ULK4: variants seen among roughly 807,000 people sequenced by gnomAD.
ULK4 encodes unc-51 like kinase 4.
Under a neutral mutation model 160.6 loss-of-function variants are expected in ULK4, and 133 were observed. The observed-to-expected ratio is 0.83, with a 90% confidence interval of 0.72 to 0.96. The LOEUF (loss-of-function observed/expected upper bound fraction) is 0.96, where lower values mean the gene tolerates loss of function less well. Ranked by LOEUF, ULK4 falls within the 40% of genes least tolerant of loss-of-function variation. ULK4 has a pLI of 0.00. For missense variants in ULK4, 1,580 were observed against 1,499.5 expected (o/e 1.05, Z -0.89); for synonymous variants, 534 against 539.8 (o/e 0.99, Z 0.15).
chr3:41,319,705 T>A (rs1301916978), intron 35 of ULK4, among the ~76,000 whole-genome samples: 1 of 152,248 alleles, frequency 6.6e-6, no homozygotes, highest in Non-Finnish European at 1.5e-5. Context: ...ATACTTTATA[T>A]GTATTAATCT....
intron 30 of ULK4, among the ~76,000 whole-genome samples, chr3:41,640,054 T>C (rs192462443): frequency 2.6e-5 from 4 of 152,290 alleles, no homozygotes; most frequent in Admixed American, 6.5e-5. Flanking sequence ...TGATGGCCCA[T>C]AAAAGCTTGT....
chr3:41,850,264 A>G (rs1310249858), intron 17 of ULK4, among the ~76,000 whole-genome samples: 3 of 152,220 alleles, frequency 2.0e-5, no homozygotes, highest in Non-Finnish European at 4.4e-5. Flanking sequence ...TAGTGCTGCA[A>G]TAAACATACG....
Position 41,831,531 on chromosome 3 carries a change from A to ATATATATATATATATTTTTT in ULK4, c.1764+4332_1764+4333insAAAAAATATATATATATATA. On this transcript the variant is annotated intron_variant, in intron 18 of 36. Coordinates refer to ENST00000301831, the MANE Select transcript of ULK4 (RefSeq NM_017886.4). ...TTATTGTTATTTTATATATATATAT[A>ATATATATATATATATTTTTT]TTTTTTTTTCTTTCTTAAACTTTAG... Among the ~76,000 whole-genome samples, 7 of 138,062 alleles carry ATATATATATATATATTTTTT rather than the reference A, an allele frequency of 5.1e-5. 1 individual carries two copies. In the East Asian group the frequency reaches 1.3e-3, roughly 25 times the overall value. 90.6% of individuals were successfully genotyped at this position (138,062 alleles called of 152,430 possible). A position where few individuals can be genotyped will look rare whatever the true frequency, so the allele number is the denominator to read the frequency against.
At chr3:41,482,175 C>A (rs2084351984) in intron 32 of ULK4, among the ~76,000 whole-genome samples, 1 of 152,146 alleles carries the variant, frequency 6.6e-6, no homozygotes, top group African/African-American at 2.4e-5. Flanking sequence ...TGGATCAGGA[C>A]CCCTTTCTGG....
At chr3:41,650,769 C>T (rs2034708797) in intron 30 of ULK4, among the ~76,000 whole-genome samples, 1 of 152,174 alleles carries the variant, frequency 6.6e-6, no homozygotes, top group Admixed American at 6.5e-5. Context: ...TTTCCAGCTG[C>T]AAAAGCAACA....
chr3:41,868,096 G>C (rs1415712711), intron 17 of ULK4, among the ~76,000 whole-genome samples: 1 of 152,000 alleles, frequency 6.6e-6, no homozygotes, highest in East Asian at 1.9e-4. Flanking sequence ...GTATAATCGT[G>C]GGAATTAGCA....
At chr3:41,263,215 C>CA (rs1310873258) in intron 35 of ULK4, among the ~76,000 whole-genome samples, 1 of 152,320 alleles carries the variant, frequency 6.6e-6, no homozygotes, top group East Asian at 1.9e-4. Flanking sequence ...ATCTATCACG[C>CA]AAACCTGATC....
intron 21 of ULK4, among the ~76,000 whole-genome samples, chr3:41,781,035 AG>A (rs1304473371): frequency 1.3e-5 from 2 of 152,166 alleles, no homozygotes; most frequent in African/African-American, 2.4e-5. Context: ...AGAGATTTAT[AG>A]ATAGAAAAAT....
intron 32 of ULK4, among the ~76,000 whole-genome samples, chr3:41,553,082 C>T (rs903098581): frequency 5.9e-5 from 9 of 151,996 alleles, no homozygotes; most frequent in African/African-American, 2.2e-4. Flanking sequence ...TGTTACCTCT[C>T]ACCTCATACA....
At chr3:41,603,583 A>C (rs1392383433) in intron 31 of ULK4, among the ~76,000 whole-genome samples, 3 of 152,094 alleles carry the variant, frequency 2.0e-5, no homozygotes, top group Non-Finnish European at 4.4e-5. Context: ...CTGAAATAGA[A>C]TACACTTTTT....
intron 31 of ULK4, among the ~76,000 whole-genome samples, chr3:41,583,616 C>T (rs1372660609): frequency 6.6e-6 from 1 of 152,216 alleles, no homozygotes; most frequent in Non-Finnish European, 1.5e-5. Flanking sequence ...CAGAATCATG[C>T]ACACCTCAGG....
At chr3:41,289,556 T>C (rs1375027716) in intron 35 of ULK4, among the ~76,000 whole-genome samples, 4 of 152,182 alleles carry the variant, frequency 2.6e-5, no homozygotes, top group African/African-American at 9.7e-5. Context: ...TGGCCAAGAC[T>C]GAGGTGACCT....
intron 17 of ULK4, among the ~76,000 whole-genome samples, chr3:41,881,284 TAAAAAA>T (rs58977381): frequency 1.6e-5 from 2 of 126,278 alleles, no homozygotes; most frequent in African/African-American, 7.3e-5. Context: ...CAGAAACTTC[TAAAAAA>T]AAAAAAAAAA....
Position 41,789,658 on chromosome 3 carries a change from A to C in ULK4, c.2193+3T>G. On this transcript the variant is annotated splice_donor_region_variant and intron_variant, in intron 21 of 36. Transcript: ENST00000301831. ...AGAGTAACAGGTAAAATCTAAGTCAAACCTTTTCTTGGATTAGTCTTTGAA... is the reference window on the plus strand; with the variant it reads ...AGAGTAACAGGTAAAATCTAAGTCACACCTTTTCTTGGATTAGTCTTTGAA... 1 of 1,564,740 alleles carries C rather than the reference A, an allele frequency of 6.4e-7. No homozygotes were observed. Among genetic ancestry groups the C allele is most frequent in the Non-Finnish European group, 8.6e-7 (1 of 1,157,074 alleles).
chr3:41,353,546 T>TA (rs2080956094), intron 35 of ULK4, among the ~76,000 whole-genome samples: 2 of 152,056 alleles, frequency 1.3e-5, no homozygotes, highest in African/African-American at 4.8e-5. Context: ...CTCATGACTG[T>TA]AGTCCTAGCT....
At chr3:41,527,283 T>C (rs1361525164) in intron 32 of ULK4, among the ~76,000 whole-genome samples, 1 of 152,216 alleles carries the variant, frequency 6.6e-6, no homozygotes, top group Non-Finnish European at 1.5e-5. Context: ...GCTGCCCAAG[T>C]ACAAAGCATT....
rs912838183 is a variant in ULK4 at position 41,709,853 on chromosome 3, T to G, written c.2635-4548A>C. 1.1e-4 allele frequency among the ~76,000 whole-genome samples: 16 copies of G among 152,282 alleles called. 1 individual carries two copies. Among genetic ancestry groups the G allele is most frequent in the Admixed American group, 2.6e-4 (4 of 15,298 alleles). Reference sequence around the variant, plus strand: ...TTTGACTTAAACACATGTACGTAAATGTCTACGGATTACTAAGTAAAGAAG... The same window carrying G: ...TTTGACTTAAACACATGTACGTAAAGGTCTACGGATTACTAAGTAAAGAAG... On this transcript the variant is annotated intron_variant, in intron 25 of 36. Coordinates refer to ENST00000301831, the MANE Select transcript of ULK4 (RefSeq NM_017886.4).
chr3:41,335,843 T>C (rs1370479084), intron 35 of ULK4, among the ~76,000 whole-genome samples: 1 of 152,106 alleles, frequency 6.6e-6, no homozygotes, highest in Non-Finnish European at 1.5e-5. Flanking sequence ...AGGGAATATG[T>C]AAAGGTGGAA....
intron 35 of ULK4, among the ~76,000 whole-genome samples, chr3:41,396,336 C>CAAA (rs11369245): frequency 6.7e-6 from 1 of 150,108 alleles, no homozygotes; most frequent in African/African-American, 2.4e-5. Flanking sequence ...TTCTAAGTTT[C>CAAA]AAAAAAAAAA....
Sources: gnomAD v4.1 joint callset for allele counts (sites outside exome capture counted in the v4.1 genomes callset) on GRCh38, gnomAD v4.1.1 for gene constraint, MANE v1.5 for transcripts, NCBI Gene and HGNC (gene_info 2026-07-23, HGNC 2026-07-21) for gene names.